CSNK1G3: variants seen among roughly 807,000 people sequenced by gnomAD.
CSNK1G3 encodes the protein casein kinase 1 gamma 3, also known as casein kinase I isoform gamma-3.
A neutral mutation model predicts 64.3 loss-of-function variants in CSNK1G3; 23 were observed. The observed-to-expected ratio is 0.36, with a 90% CI of 0.26 to 0.51. CSNK1G3 has a LOEUF of 0.51. Among genes scored for constraint, CSNK1G3 ranks in the 20% least tolerant of loss-of-function variants. The pLI is 0.96. For synonymous variants in CSNK1G3, 158 were observed against 162.2 expected, an observed-to-expected ratio of 0.97 and a Z score of 0.20; for missense variants, 357 against 510.5, an observed-to-expected ratio of 0.70 and a Z score of 2.90.
At chr5:123,548,931 A>G (rs532526668) in intron 2 of CSNK1G3, among the ~76,000 whole-genome samples, 5 of 152,352 alleles carry the variant, frequency 3.3e-5, no homozygotes, top group African/African-American at 1.2e-4. Flanking sequence ...ACGCTGTACA[A>G]TATTGGTTGT....
At chr5:123,543,922 T>C (rs1199572487) in intron 1 of CSNK1G3, among the ~76,000 whole-genome samples, 2 of 152,058 alleles carry the variant, frequency 1.3e-5, no homozygotes, top group Admixed American at 1.3e-4. Context: ...GGACTAATGG[T>C]GGAATCCTAA....
intron 12 of CSNK1G3, among the ~76,000 whole-genome samples, chr5:123,611,640 T>A (rs1263148406): frequency 6.6e-6 from 1 of 152,232 alleles, no homozygotes; most frequent in Non-Finnish European, 1.5e-5. Flanking sequence ...AAATGTGTAT[T>A]ACATTAAATT....
chr5:123,515,305 C>T (rs1776949424), intron 1 of CSNK1G3, among the ~76,000 whole-genome samples: 1 of 151,922 alleles, frequency 6.6e-6, no homozygotes, highest in Non-Finnish European at 1.5e-5. Context: ...TGTTTTGTTC[C>T]AAAGGGCTTC....
At chr5:123,601,128 A>G (rs1428140562) in intron 10 of CSNK1G3, among the ~76,000 whole-genome samples, 6 of 152,148 alleles carry the variant, frequency 3.9e-5, no homozygotes, top group Non-Finnish European at 8.8e-5. Context: ...TTCAAGTTAT[A>G]ATTCTAGAAA....
At chr5:123,534,246 A>G (rs189688210) in intron 1 of CSNK1G3, among the ~76,000 whole-genome samples, 154 of 152,234 alleles carry the variant, frequency 1.0e-3, no homozygotes, top group Admixed American at 4.0e-3. Flanking sequence ...TATAATTATT[A>G]AAATGAGCTT....
At chr5:123,600,043 T>G (rs1794170116) in intron 10 of CSNK1G3, among the ~76,000 whole-genome samples, 1 of 152,098 alleles carries the variant, frequency 6.6e-6, no homozygotes, top group African/African-American at 2.4e-5. Context: ...CAATTATACC[T>G]TTAGTCTTTA....
chr5:123,590,781 TA>T (rs1397783272), intron 9 of CSNK1G3, among the ~76,000 whole-genome samples: 1 of 152,096 alleles, frequency 6.6e-6, no homozygotes, highest in Admixed American at 6.6e-5. Flanking sequence ...GAGTTACTTT[TA>T]ACTTTTCATC....
intron 9 of CSNK1G3, among the ~76,000 whole-genome samples, chr5:123,590,964 TTATTC>T (rs1394841377): frequency 2.0e-5 from 3 of 152,014 alleles, no homozygotes; most frequent in Admixed American, 2.0e-4. Flanking sequence ...TCTTAAAAGT[TTATTC>T]TATGTATACA....
chr5:123,605,259 G>T, intron 11 of CSNK1G3, 80 bp from the exon 13 acceptor site: 1 of 1,281,964 alleles, frequency 7.8e-7, no homozygotes, highest in Non-Finnish European at 1.1e-6. Flanking sequence ...AAAACAATGT[G>T]ATAATTTCAA....
intron 10 of CSNK1G3, among the ~76,000 whole-genome samples, chr5:123,595,759 T>G (rs184045503): frequency 6.6e-6 from 1 of 152,086 alleles, no homozygotes; most frequent in Non-Finnish European, 1.5e-5. Context: ...TCTTTTCACC[T>G]TTTTTATACA....
At chr5:123,527,539 G>A (rs1008253150) in intron 1 of CSNK1G3, among the ~76,000 whole-genome samples, 1 of 152,142 alleles carries the variant, frequency 6.6e-6, no homozygotes, top group Non-Finnish European at 1.5e-5. Context: ...TACTAAGTCT[G>A]TTCTATGAGG....
At chr5:123,603,425 G>A (rs1385416708) in intron 10 of CSNK1G3, among the ~76,000 whole-genome samples, 4 of 152,036 alleles carry the variant, frequency 2.6e-5, no homozygotes, top group Admixed American at 2.6e-4. Flanking sequence ...TTATTTCAAC[G>A]TATATTTATT....
chr5:123,586,019 A>G (rs556044655), intron 6 of CSNK1G3, among the ~76,000 whole-genome samples: 14 of 152,350 alleles, frequency 9.2e-5, no homozygotes, highest in East Asian at 1.9e-4. Flanking sequence ...TTTATTCACA[A>G]TAGCCCCAAA....
intron 10 of CSNK1G3, among the ~76,000 whole-genome samples, chr5:123,593,212 C>CACAA (rs1259989469): frequency 4.6e-5 from 7 of 151,234 alleles, no homozygotes; most frequent in Non-Finnish European, 1.0e-4. Context: ...TACACACACA[C>CACAA]ACACACACAC....
chr5:123,610,700 A>T (rs771524663), intron 12 of CSNK1G3, among the ~76,000 whole-genome samples: 1 of 152,162 alleles, frequency 6.6e-6, no homozygotes, highest in African/African-American at 2.4e-5. Flanking sequence ...ATATTCCCAA[A>T]GAATTTTAGA....
At chr5:123,592,029 T>C (rs1210148205) in intron 10 of CSNK1G3, among the ~76,000 whole-genome samples, 1 of 152,082 alleles carries the variant, frequency 6.6e-6, no homozygotes, top group Non-Finnish European at 1.5e-5. Flanking sequence ...GTTACTGTTA[T>C]TATTATTACA....
chr5:123,520,404 C>T (rs2149960569), intron 1 of CSNK1G3, among the ~76,000 whole-genome samples: 1 of 150,578 alleles, frequency 6.6e-6, no homozygotes, highest in Middle Eastern at 3.4e-3. Context: ...TTTTATACTT[C>T]ATTTACTTCT....
chr5:123,526,880 GTA>G (rs1165338949), intron 1 of CSNK1G3, among the ~76,000 whole-genome samples: 46,061 of 114,386 alleles, frequency 0.4, 7,481 homozygotes, highest in Middle Eastern at 0.5. Context: ...GTGTGTGTGT[GTA>G]TGAACATAAT....
At chr5:123,606,152 A>AT (rs948236513) in intron 12 of CSNK1G3, among the ~76,000 whole-genome samples, 14 of 151,262 alleles carry the variant, frequency 9.3e-5, no homozygotes, top group South Asian at 2.1e-4. Context: ...ACTTTTGTGG[A>AT]TTTTTTTTTG....
Sources: gnomAD v4.1 joint callset for allele counts (sites outside exome capture counted in the v4.1 genomes callset) on GRCh38, gnomAD v4.1.1 for gene constraint, MANE v1.5 for transcripts, NCBI Gene and HGNC (gene_info 2026-07-23, HGNC 2026-07-21) for gene names.